Variants in FNDC7 observed in about 807,000 individuals in gnomAD.
FNDC7 encodes the protein fibronectin type III domain containing 7.
Under a neutral mutation model 74.2 loss-of-function variants are expected in FNDC7, and 66 were observed. That is an observed-to-expected ratio of 0.89 (90% CI 0.73 to 1.09). FNDC7 has a LOEUF of 1.09. FNDC7 is among the 50% of genes least tolerant of loss of function. The pLI is 0.00. For synonymous variants in FNDC7, 307 were observed against 330.2 expected (o/e 0.93, Z 0.76); for missense variants, 829 against 893.4 (o/e 0.93, Z 0.92).
Position 108,717,816 on chromosome 1 carries a change from T to C in FNDC7, c.122T>C (p.Leu41Pro), listed in dbSNP as rs1490824528. 1.9e-6 allele frequency: 3 copies of C among 1,551,568 alleles called. No individual in the cohort carries two copies. The highest frequency in any genetic ancestry group is 2.6e-6 in the Non-Finnish European group (3 of 1,146,986). The change falls in exon 3 of 13, where the codon CTC becomes CCC. Residue 41 changes from leucine (L) to proline (P), a missense_variant. Transcript: ENST00000370017. ...ACTATTGATCAGGCATATTCAAAACTCAGCAACAGTATCACTGTAGAATGG... is the reference window on the plus strand; with the variant it reads ...ACTATTGATCAGGCATATTCAAAACCCAGCAACAGTATCACTGTAGAATGG... ...IPTIDQAYSK[L>P]SNSITVEWAT... is the part of the protein sequence containing the mutation.
Position 108,741,955 on chromosome 1 carries a change from G to GA in FNDC7, c.*72dup. 1.3e-5 allele frequency: 10 copies of GA among 770,406 alleles called. No homozygotes were observed. The highest frequency in any genetic ancestry group is 2.1e-5 in the Non-Finnish European group (10 of 468,266). 47.7% of individuals were successfully genotyped at this position (770,406 alleles called of 1,614,324 possible). On this transcript the variant is annotated 3_prime_UTR_variant, in exon 13 of 13. Coordinates refer to ENST00000370017, the MANE Select transcript of FNDC7 (RefSeq NM_001144937.3). The stretch of plus-strand genomic sequence containing the variant: ...TCTCATTTGTTAGTGATTAGAGATG[G>GA]AAAAGATCTACTAGAATGTAGAATA...
intron 11 of FNDC7, among the ~76,000 whole-genome samples, chr1:108,740,333 T>C (rs1661611540): frequency 7.0e-6 from 1 of 143,668 alleles, no homozygotes; most frequent in African/African-American, 2.6e-5. Flanking sequence ...TTTTTTTTTT[T>C]TTTTTTTTTT....
At chr1:108,738,469 T>C (rs577853760) in intron 11 of FNDC7, among the ~76,000 whole-genome samples, 170 of 152,242 alleles carry the variant, frequency 1.1e-3, no homozygotes, top group African/African-American at 3.9e-3. Context: ...GACAGCTTGG[T>C]CTGGGGCCTT....
At position 108,712,963 on chromosome 1, in the gene FNDC7, T is replaced by A; in HGVS notation, c.30T>A (p.Pro10=). 6.4e-7 allele frequency: 1 copy of A among 1,551,690 alleles called. No homozygotes were observed. The highest frequency in any genetic ancestry group is 8.7e-7 in the Non-Finnish European group (1 of 1,146,958). MAGGRETCL[P]LIGFILICLK... is the part of the protein sequence containing the mutation. ...CTGGTGGACGAGAGACATGTTTGCC[T>A]TTGATTGGATTCATTCTTATCTGTC... is the stretch of plus-strand genomic sequence containing the variant. The change falls in exon 1 of 13, where the codon CCT becomes CCA. Residue 10 remains proline (P), a synonymous_variant. Transcript: ENST00000370017.
chr1:108,718,918 G>A lies in FNDC7; in HGVS notation c.467G>A (p.Trp156Ter), dbSNP rs1390953370. 1.9e-6 allele frequency: 3 copies of A among 1,551,678 alleles called. No individual in the cohort carries two copies. The highest frequency in any genetic ancestry group is 1.7e-4 in the Middle Eastern group (1 of 5,992). ...CGAGCCAATGGCTTGGGGAGTATAT[G>A]GAAAGAGAATACTACAAACACCTCC... The part of the protein sequence containing the change: ...IMRANGLGSI[W>*]KENTTNTSLT... The change falls in exon 4 of 13, where the codon TGG becomes TAG. Residue 156 changes from tryptophan to a stop codon, truncating the protein, a stop_gained. Transcript: ENST00000370017. LOFTEE classifies it high-confidence loss of function.
intron 6 of FNDC7, among the ~76,000 whole-genome samples, chr1:108,727,544 T>A (rs1557790208): frequency 6.6e-6 from 1 of 151,938 alleles, no homozygotes; most frequent in African/African-American, 2.4e-5. Context: ...CGTGGGGGAA[T>A]TGAGGAGTCT....
At chr1:108,730,624 A>G (rs1312554265) in intron 8 of FNDC7, 50 bp from the exon 9 acceptor site, 2 of 1,496,968 alleles carry the variant, frequency 1.3e-6, no homozygotes, top group Non-Finnish European at 8.9e-7. Flanking sequence ...TTCACAAATA[A>G]TCTTCAGTGG....
At chr1:108,721,330 ATGGTGCCGGGCGCC>A (rs1019791941) in intron 4 of FNDC7, among the ~76,000 whole-genome samples, 1 of 152,120 alleles carries the variant, frequency 6.6e-6, no homozygotes, top group Non-Finnish European at 1.5e-5. Flanking sequence ...TTAGCAGAGC[ATGGTGCCGGGCGCC>A]TGTAGTCCCA....
chr1:108,729,824 TA>T (rs959224047), intron 8 of FNDC7, among the ~76,000 whole-genome samples: 1 of 152,072 alleles, frequency 6.6e-6, no homozygotes, highest in African/African-American at 2.4e-5. Context: ...TTGAAATACC[TA>T]AAAAAAGAAG....
intron 10 of FNDC7, chr1:108,734,166 T>G (rs531757082): frequency 6.6e-6 from 1 of 152,374 alleles, no homozygotes; most frequent in Admixed American, 6.5e-5. Context: ...TAACATAGTC[T>G]TGCTGATAAT....
At chr1:108,713,904 G>A (rs1254427212) in intron 2 of FNDC7, among the ~76,000 whole-genome samples, 1 of 152,140 alleles carries the variant, frequency 6.6e-6, no homozygotes, top group Non-Finnish European at 1.5e-5. Flanking sequence ...ATCTTCCGGG[G>A]AATTAGAGGG....
chr1:108,720,534 A>G (rs1422229821), intron 4 of FNDC7, among the ~76,000 whole-genome samples: 2 of 152,170 alleles, frequency 1.3e-5, no homozygotes, highest in African/African-American at 4.8e-5. Context: ...TCACCTCTGG[A>G]TTAGTTTCCT....
At chr1:108,721,395 G>C (rs1180636963) in intron 4 of FNDC7, among the ~76,000 whole-genome samples, 1 of 152,156 alleles carries the variant, frequency 6.6e-6, no homozygotes, top group Non-Finnish European at 1.5e-5. Context: ...CATGAACCCC[G>C]GAGGCGGAGT....
intron 8 of FNDC7, among the ~76,000 whole-genome samples, chr1:108,729,334 G>A (rs1357441790): frequency 6.6e-6 from 1 of 152,168 alleles, no homozygotes; most frequent in African/African-American, 2.4e-5. Context: ...CAGATCACGA[G>A]GTCAGGAGGT....
At chr1:108,718,596 T>G (rs1387245344) in intron 3 of FNDC7, among the ~76,000 whole-genome samples, 193 bp from the exon 4 acceptor site, 1 of 152,254 alleles carries the variant, frequency 6.6e-6, no homozygotes, top group Non-Finnish European at 1.5e-5. Flanking sequence ...TTTCTCTGTT[T>G]CCCATTCCTC....
At chr1:108,736,023 G>A (rs1278063546) in intron 10 of FNDC7, among the ~76,000 whole-genome samples, 1 of 152,048 alleles carries the variant, frequency 6.6e-6, no homozygotes, top group Admixed American at 6.6e-5. Context: ...GCCCAGGCTG[G>A]TCTTGAACTC....
At chr1:108,713,604 C>G in intron 2 of FNDC7, 75 bp downstream of exon 2, 1 of 1,334,856 alleles carries the variant, frequency 7.5e-7, no homozygotes, top group South Asian at 1.3e-5. Flanking sequence ...ACGGGCTACC[C>G]TGAAATCTAA....
At chr1:108,715,194 T>A (rs1365788532) in intron 2 of FNDC7, among the ~76,000 whole-genome samples, 1 of 152,240 alleles carries the variant, frequency 6.6e-6, no homozygotes, top group East Asian at 1.9e-4. Context: ...TATTGCTGTG[T>A]ATCTGTGTCT....
chr1:108,737,632 T>C, intron 11 of FNDC7, 108 bp downstream of exon 11: 1 of 832,418 alleles, frequency 1.2e-6, no homozygotes, highest in Non-Finnish European at 1.9e-6. Context: ...CTTTCTTTCT[T>C]TGATACAAGG....
Sources: gnomAD v4.1 joint callset for allele counts (sites outside exome capture counted in the v4.1 genomes callset) on GRCh38, gnomAD v4.1.1 for gene constraint, MANE v1.5 for transcripts, NCBI Gene and HGNC (gene_info 2026-07-23, HGNC 2026-07-21) for gene names.